The following BMERB1 variants were observed in gnomAD, a reference collection of about 807,000 sequenced individuals.
The protein encoded by BMERB1 is bMERB domain-containing protein 1.
A neutral mutation model predicts 23.6 loss-of-function variants in BMERB1; 12 were observed. That is an observed-to-expected ratio of 0.51 (90% CI 0.33 to 0.82). BMERB1 has a LOEUF of 0.82. Ranked by LOEUF, BMERB1 falls within the 40% of genes least tolerant of loss-of-function variation. The pLI is 0.03. For missense variants in BMERB1, 247 were observed against 255.4 expected (o/e 0.97, Z 0.22); for synonymous variants, 122 against 96.6 (o/e 1.26, Z -1.54).
At position 15,474,780 on chromosome 16, in the gene BMERB1, C is replaced by T. The variant is rs550434781; in HGVS notation, c.106+40021C>T. ...CTCAGCTCACTGCAACCTCTGCCTC[C>T]GGTGTTCAAGCGATTCTCCTGCCTC... On this transcript the variant is annotated intron_variant, in intron 1 of 5. Transcript: ENST00000300006. 3.3e-5 allele frequency among the ~76,000 whole-genome samples: 5 copies of T among 152,180 alleles called. No individual in the cohort carries two copies. The East Asian group carries it at 5.8e-4, about 18-fold the overall frequency.
At chr16:15,584,892 C>T (rs2031104130) in intron 5 of BMERB1, among the ~76,000 whole-genome samples, 1 of 152,180 alleles carries the variant, frequency 6.6e-6, no homozygotes, top group South Asian at 2.1e-4. Flanking sequence ...TATGTTCCCA[C>T]CTCTTAGATC....
intron 1 of BMERB1, among the ~76,000 whole-genome samples, chr16:15,461,290 AG>A (rs765548881): frequency 7.2e-5 from 11 of 152,160 alleles, no homozygotes; most frequent in Non-Finnish European, 1.6e-4. Context: ...ACCAGGTGAA[AG>A]GAACAGGCAA....
chr16:15,455,160 C>G (rs577264264), intron 1 of BMERB1, among the ~76,000 whole-genome samples: 7 of 151,832 alleles, frequency 4.6e-5, no homozygotes, highest in African/African-American at 1.7e-4. Flanking sequence ...ACCGTCTCTA[C>G]TAAAGATACA....
chr16:15,439,295 G>A (rs927791916), intron 1 of BMERB1, among the ~76,000 whole-genome samples: 1 of 152,158 alleles, frequency 6.6e-6, no homozygotes, highest in African/African-American at 2.4e-5. Flanking sequence ...TGTGTCAGTT[G>A]CCTCATCTGT....
At chr16:15,541,255 G>A (rs2052076209) in intron 2 of BMERB1, among the ~76,000 whole-genome samples, 1 of 151,932 alleles carries the variant, frequency 6.6e-6, no homozygotes, top group Non-Finnish European at 1.5e-5. Context: ...GCCGTGCAGA[G>A]CTTCCATGAT....
At chr16:15,460,209 G>A (rs28744673) in intron 1 of BMERB1, among the ~76,000 whole-genome samples, 10,511 of 152,074 alleles carry the variant, frequency 0.069, 1,202 homozygotes, top group African/African-American at 0.24. Flanking sequence ...TGGGAGGATG[G>A]GTGAGATTCA....
intron 2 of BMERB1, among the ~76,000 whole-genome samples, chr16:15,561,218 A>G (rs1226639092): frequency 6.9e-6 from 1 of 144,968 alleles, no homozygotes; most frequent in East Asian, 2.0e-4. Context: ...CAGCCTTCCA[A>G]ACTGCTAGGA....
At chr16:15,482,784 T>C (rs966578751) in intron 1 of BMERB1, among the ~76,000 whole-genome samples, 5 of 152,224 alleles carry the variant, frequency 3.3e-5, no homozygotes, top group African/African-American at 1.2e-4. Flanking sequence ...TTAATACATG[T>C]ACATAATAAT....
chr16:15,553,649 A>G (rs1299484978), intron 2 of BMERB1, among the ~76,000 whole-genome samples: 2 of 152,238 alleles, frequency 1.3e-5, no homozygotes, highest in African/African-American at 4.8e-5. Flanking sequence ...TTTATCAGAA[A>G]ATGTTATGAT....
chr16:15,513,089 C>A (rs910617893), intron 1 of BMERB1, among the ~76,000 whole-genome samples: 1 of 152,062 alleles, frequency 6.6e-6, no homozygotes, highest in African/African-American at 2.4e-5. Context: ...CCAAAAACAT[C>A]TCCTGCCCCG....
chr16:15,587,731 G>A lies in BMERB1; in HGVS notation c.*902G>A, dbSNP rs912205950. On this transcript the variant is annotated 3_prime_UTR_variant, in exon 6 of 6. Coordinates refer to ENST00000300006, the MANE Select transcript of BMERB1 (RefSeq NM_033201.3). The stretch of plus-strand genomic sequence containing the variant: ...GTAAAGAACAGCAACAGGCAGGAGA[G>A]GCAGCGTGTGACCAGATTGTGTCCC... The A allele has an allele frequency of 6.9e-6, 2 of 290,846 alleles. No individual in the cohort carries two copies. The highest frequency in any genetic ancestry group is 8.7e-5 in the Admixed American group (2 of 23,014). 18.0% of individuals were successfully genotyped at this position (290,846 alleles called of 1,614,324 possible).
intron 1 of BMERB1, among the ~76,000 whole-genome samples, chr16:15,502,651 C>T (rs2150943841): frequency 6.6e-6 from 1 of 152,264 alleles, no homozygotes; most frequent in South Asian, 2.1e-4. Flanking sequence ...CACCAGGAGC[C>T]TTTGAAATGC....
chr16:15,493,928 C>T (rs528100369), intron 1 of BMERB1, among the ~76,000 whole-genome samples: 3 of 152,246 alleles, frequency 2.0e-5, no homozygotes, highest in Non-Finnish European at 2.9e-5. Flanking sequence ...ATTTTAACCC[C>T]GCCAAGCACA....
At chr16:15,562,876 G>A (rs1419807002) in intron 2 of BMERB1, among the ~76,000 whole-genome samples, 1 of 152,184 alleles carries the variant, frequency 6.6e-6, no homozygotes, top group Non-Finnish European at 1.5e-5. Context: ...TCCAGGGCAC[G>A]ACTTGAAAAA....
chr16:15,493,200 A>T (rs982318941), intron 1 of BMERB1, among the ~76,000 whole-genome samples: 1 of 151,602 alleles, frequency 6.6e-6, no homozygotes, highest in African/African-American at 2.4e-5. Flanking sequence ...TAAAAATACA[A>T]AATTAGCCAG....
intron 2 of BMERB1, among the ~76,000 whole-genome samples, chr16:15,533,353 A>G (rs972575674): frequency 2.6e-5 from 4 of 152,086 alleles, no homozygotes; most frequent in African/African-American, 9.7e-5. Flanking sequence ...TTGTCTCAAA[A>G]TATCTGAAGG....
At chr16:15,493,790 TA>T (rs1160733755) in intron 1 of BMERB1, among the ~76,000 whole-genome samples, 4 of 152,232 alleles carry the variant, frequency 2.6e-5, no homozygotes, top group Non-Finnish European at 5.9e-5. Context: ...TGGTGCAATT[TA>T]TCTCTCCTGT....
chr16:15,515,562 A>C, intron 2 of BMERB1, 134 bp downstream of exon 2: 10 of 1,251,190 alleles, frequency 8.0e-6, no homozygotes, highest in Non-Finnish European at 1.1e-5. Context: ...GCCTCATTTG[A>C]TTCTCACCAC....
At chr16:15,502,282 G>C in intron 1 of BMERB1, 5 of 1,551,280 alleles carry the variant, frequency 3.2e-6, no homozygotes, top group Admixed American at 2.0e-5. Flanking sequence ...TCATAGCCAG[G>C]ATGTGAAGCC....
Sources: gnomAD v4.1 joint callset for allele counts (sites outside exome capture counted in the v4.1 genomes callset) on GRCh38, gnomAD v4.1.1 for gene constraint, MANE v1.5 for transcripts, NCBI Gene and HGNC (gene_info 2026-07-23, HGNC 2026-07-21) for gene names.